SORCS2: variants seen among roughly 807,000 people sequenced by gnomAD.
SORCS2 encodes the protein sortilin related VPS10 domain containing receptor 2.
In SORCS2, 100 loss-of-function variants were observed where a neutral mutation model predicts 141.6. The ratio of observed to expected loss-of-function variants is 0.71; its 90% CI spans 0.60 to 0.83. The LOEUF is 0.83. Ranked by LOEUF, SORCS2 falls within the 40% of genes least tolerant of loss-of-function variation. The probability of loss-of-function intolerance (pLI) is 0.00; values close to 1 mark genes in which losing one functional copy is unlikely to be tolerated. For synonymous variants in SORCS2, 789 were observed against 676.9 expected (o/e 1.17, Z -2.57); for missense variants, 1,646 against 1,560.2 (o/e 1.05, Z -0.93).
Position 7,317,176 on chromosome 4 carries a change from T to C in SORCS2, c.481-79112T>C, listed in dbSNP as rs183907818. On this transcript the variant is annotated intron_variant, in intron 1 of 26. Coordinates refer to ENST00000507866, the MANE Select transcript of SORCS2 (RefSeq NM_020777.3). ...GGCCATGGTGTGCCTGGTGTAGTGT[T>C]GAAGGATGGGAACCCTACAGTGACA... 7.9e-5 allele frequency among the ~76,000 whole-genome samples: 12 copies of C among 152,280 alleles called. No individual in the cohort carries two copies. The East Asian group carries it at 2.3e-3, about 29-fold the overall frequency.
Position 7,411,093 on chromosome 4 carries a change from C to T in SORCS2, c.548+14738C>T, listed in dbSNP as rs540821081. 4.2e-4 allele frequency among the ~76,000 whole-genome samples: 64 copies of T among 151,210 alleles called. No individual in the cohort carries two copies. In the Middle Eastern group the frequency reaches 0.01, roughly 24 times the overall value. The stretch of plus-strand genomic sequence containing the variant: ...ACCTCAGCCTCCCGAGTAGCTGGGA[C>T]TACAGGCATGCATCACCACGCCCAG... On this transcript the variant is annotated intron_variant, in intron 2 of 26. Transcript: ENST00000507866.
At chr4:7,560,521 C>T (rs954528302) in intron 3 of SORCS2, among the ~76,000 whole-genome samples, 4 of 152,134 alleles carry the variant, frequency 2.6e-5, no homozygotes, top group African/African-American at 7.2e-5. Context: ...TGTGGAAGAG[C>T]ATAGGAGAAG....
chr4:7,345,057 A>C (rs1720579452), intron 1 of SORCS2, among the ~76,000 whole-genome samples: 1 of 152,120 alleles, frequency 6.6e-6, no homozygotes, highest in Non-Finnish European at 1.5e-5. Context: ...GTTTGCCACA[A>C]GTTTCCTCCC....
intron 1 of SORCS2, among the ~76,000 whole-genome samples, chr4:7,391,279 C>A (rs1232961977): frequency 6.6e-6 from 1 of 152,236 alleles, no homozygotes; most frequent in Non-Finnish European, 1.5e-5. Flanking sequence ...GGAGCTGAGA[C>A]TTCCTCTGAG....
At chr4:7,387,998 A>G (rs540251818) in intron 1 of SORCS2, among the ~76,000 whole-genome samples, 24 of 151,730 alleles carry the variant, frequency 1.6e-4, no homozygotes, top group African/African-American at 5.3e-4. Flanking sequence ...ACACATGCAC[A>G]CACATGCACA....
At chr4:7,633,536 C>T (rs1357838523) in intron 3 of SORCS2, among the ~76,000 whole-genome samples, 1 of 151,258 alleles carries the variant, frequency 6.6e-6, no homozygotes, top group Non-Finnish European at 1.5e-5. Flanking sequence ...CCTGTGTTTA[C>T]CTGAATCCTT....
intron 3 of SORCS2, among the ~76,000 whole-genome samples, chr4:7,635,685 C>T (rs1015520719): frequency 2.2e-4 from 33 of 152,172 alleles, no homozygotes; most frequent in African/African-American, 8.0e-4. Flanking sequence ...GTAATCAAAG[C>T]CTCCCCTAAC....
intron 2 of SORCS2, among the ~76,000 whole-genome samples, chr4:7,492,132 G>C (rs1208089651): frequency 6.6e-6 from 1 of 152,228 alleles, no homozygotes; most frequent in African/African-American, 2.4e-5. Context: ...GCACGCTGCT[G>C]CTCCCAGCAG....
intron 1 of SORCS2, among the ~76,000 whole-genome samples, chr4:7,253,504 G>A (rs1162376299): frequency 6.6e-6 from 1 of 152,238 alleles, no homozygotes; most frequent in East Asian, 1.9e-4. Flanking sequence ...GGTGCACGAG[G>A]ACCCCTCTGG....
Position 7,740,451 on chromosome 4 carries a change from C to A in SORCS2, c.*187C>A. 3.4e-6 allele frequency: 2 copies of A among 590,982 alleles called. No individual in the cohort carries two copies. Among genetic ancestry groups the A allele is most frequent in the Non-Finnish European group, 6.0e-6 (2 of 331,080 alleles). 36.6% of individuals were successfully genotyped at this position (590,982 alleles called of 1,614,324 possible). ...CCAGGCCCACGGGGGGCCCACGGGACCCCCCGGGACTCCCCGGACATGGCC... is the reference window on the plus strand; with the variant it reads ...CCAGGCCCACGGGGGGCCCACGGGAACCCCCGGGACTCCCCGGACATGGCC... On this transcript the variant is annotated 3_prime_UTR_variant, in exon 27 of 27. Coordinates refer to ENST00000507866, the MANE Select transcript of SORCS2 (RefSeq NM_020777.3).
intron 2 of SORCS2, chr4:7,433,945 C>G (rs770084143): frequency 1.9e-6 from 3 of 1,613,876 alleles, no homozygotes; most frequent in Admixed American, 1.7e-5. Context: ...GAGCTCAGAG[C>G]TGTTGGACAT....
rs946471556 is a variant in SORCS2, at chr4:7,648,305, G to T, written c.814-5829G>T. 6.6e-6 allele frequency among the ~76,000 whole-genome samples: 1 copy of T among 152,134 alleles called. No homozygotes were observed. Among genetic ancestry groups the T allele is most frequent in the African/African-American group, 2.4e-5 (1 of 41,442 alleles). On this transcript the variant is annotated intron_variant, in intron 4 of 26. Transcript: ENST00000507866. This position sits in a 1 kb window ranked among gnomAD's most constrained non-coding sequence, Gnocchi z 4.2. ...GTTGGGGGTGGTGCAGGGAGGAAGTGACCGTGGAGAGGGTGTCAAGGAGTC... is the reference window on the plus strand; with the variant it reads ...GTTGGGGGTGGTGCAGGGAGGAAGTTACCGTGGAGAGGGTGTCAAGGAGTC...
intron 2 of SORCS2, among the ~76,000 whole-genome samples, chr4:7,484,832 T>TGCCTCCTCCACGCAGCCC (rs1331717154): frequency 1.3e-5 from 2 of 151,918 alleles, no homozygotes; most frequent in Non-Finnish European, 2.9e-5. Flanking sequence ...GTACCCAGCC[T>TGCCTCCTCCACGCAGCCC]GCCTCCTCCA....
At chr4:7,314,169 G>GC (rs1718385602) in intron 1 of SORCS2, among the ~76,000 whole-genome samples, 1 of 152,122 alleles carries the variant, frequency 6.6e-6, no homozygotes, top group African/African-American at 2.4e-5. Flanking sequence ...GGTGCCAGCT[G>GC]CCAAGCCAAG....
chr4:7,377,491 C>G (rs1341507770), intron 1 of SORCS2, among the ~76,000 whole-genome samples: 1 of 152,256 alleles, frequency 6.6e-6, no homozygotes, highest in East Asian at 1.9e-4. Context: ...AAAGCCGAGA[C>G]CACATCCTGA....
At chr4:7,232,746 A>G (rs1225122237) in intron 1 of SORCS2, among the ~76,000 whole-genome samples, 2 of 152,132 alleles carry the variant, frequency 1.3e-5, no homozygotes, top group Non-Finnish European at 2.9e-5. Flanking sequence ...GGGCCCCCTC[A>G]GTAGGCAGCG....
rs1403937452 is a variant in SORCS2, at chr4:7,663,531, T to G, written c.953-822T>G. ...GGGCTTGGCAGTGGCCTGGTGCTGC[T>G]GCCCACGTACCCTCTGTGTACACTG... On this transcript the variant is annotated intron_variant, in intron 6 of 26. Coordinates refer to ENST00000507866, the MANE Select transcript of SORCS2 (RefSeq NM_020777.3). This position sits in a 1 kb window ranked among gnomAD's most constrained non-coding sequence, Gnocchi z 4.8. 6.6e-6 allele frequency among the ~76,000 whole-genome samples: 1 copy of G among 152,250 alleles called. No homozygotes were observed. The highest frequency in any genetic ancestry group is 1.5e-5 in the Non-Finnish European group (1 of 68,044).
chr4:7,416,857 C>G (rs2109174498), intron 2 of SORCS2, among the ~76,000 whole-genome samples: 1 of 152,290 alleles, frequency 6.6e-6, no homozygotes, highest in Non-Finnish European at 1.5e-5. Flanking sequence ...CATGCACACA[C>G]ACACTTGTGC....
intron 2 of SORCS2, among the ~76,000 whole-genome samples, chr4:7,470,659 G>A (rs561662468): frequency 4.1e-4 from 62 of 151,738 alleles, no homozygotes; most frequent in African/African-American, 1.4e-3. Context: ...TGATGATCTG[G>A]GCGATGATTG....
Sources: allele counts gnomAD v4.1 joint callset (sites outside exome capture counted in the v4.1 genomes callset), GRCh38; gene constraint gnomAD v4.1.1; non-coding constraint Gnocchi (gnomAD v3.1); transcripts MANE v1.5; gene names NCBI Gene and HGNC (gene_info 2026-07-23, HGNC 2026-07-21).